Variants in DPYD observed in about 807,000 individuals in gnomAD.
The protein encoded by DPYD is dihydropyrimidine dehydrogenase, also known as dihydropyrimidine dehydrogenase [NADP(+)].
DPYD carries 109 observed loss-of-function variants against 116.2 expected under a neutral mutation model. The ratio of observed to expected loss-of-function variants is 0.94; its 90% CI spans 0.80 to 1.10. The LOEUF (loss-of-function observed/expected upper bound fraction) is 1.10, where lower values mean the gene tolerates loss of function less well. DPYD is among the 50% of genes least tolerant of loss of function. The pLI, the probability that DPYD is intolerant of heterozygous loss-of-function variation, is 0.00. For synonymous variants in DPYD, 440 were observed against 432.0 expected (o/e 1.02, Z -0.23); for missense variants, 1,302 against 1,254.5 (o/e 1.04, Z -0.57).
chr1:97,487,003 G>T (rs1047522549), intron 13 of DPYD, among the ~76,000 whole-genome samples: 1 of 151,900 alleles, frequency 6.6e-6, no homozygotes, highest in East Asian at 1.9e-4. Flanking sequence ...ATGTTTTGGA[G>T]ATTAGTCATC....
intron 19 of DPYD, among the ~76,000 whole-genome samples, chr1:97,216,182 A>T (rs922052584): frequency 3.3e-5 from 5 of 152,188 alleles, no homozygotes; most frequent in Admixed American, 6.5e-5. Context: ...GTAAAAATTC[A>T]TGTCTCTGTC....
At chr1:97,327,861 TTGCTTTTGATGCTACG>T (rs1668785808) in intron 16 of DPYD, among the ~76,000 whole-genome samples, 1 of 152,142 alleles carries the variant, frequency 6.6e-6, no homozygotes, top group African/African-American at 2.4e-5. Flanking sequence ...ATACATTGCC[TTGCTTTTGATGCTACG>T]TGCTGTGTTC....
intron 10 of DPYD, among the ~76,000 whole-genome samples, chr1:97,578,586 C>T (rs140269271): frequency 2.1e-4 from 32 of 152,222 alleles, no homozygotes; most frequent in Middle Eastern, 3.4e-3. Context: ...CTGGCTGAAA[C>T]GAAATCCTAT....
At chr1:97,434,192 A>G (rs1675333702) in intron 14 of DPYD, among the ~76,000 whole-genome samples, 1 of 152,158 alleles carries the variant, frequency 6.6e-6, no homozygotes, top group Admixed American at 6.6e-5. Context: ...TAAATTTTGC[A>G]TGACTAAAAT....
rs140270989 is a variant in DPYD at position 97,532,653 on chromosome 1, A to G, written c.1525-16712T>C. 2.6e-3 allele frequency among the ~76,000 whole-genome samples: 402 copies of G among 152,000 alleles called. 4 individuals carry two copies. Among genetic ancestry groups the G allele is most frequent in the African/African-American group, 9.2e-3 (380 of 41,474 alleles). ...TTTATCCACTTCTTCTAGGTTGTCAAATTTGTTCATAATAGTCCCTTATGG... is the reference window on the plus strand; with the variant it reads ...TTTATCCACTTCTTCTAGGTTGTCAGATTTGTTCATAATAGTCCCTTATGG... On this transcript the variant is annotated intron_variant, in intron 12 of 22. Coordinates refer to ENST00000370192, the MANE Select transcript of DPYD (RefSeq NM_000110.4).
intron 14 of DPYD, among the ~76,000 whole-genome samples, chr1:97,442,706 T>A (rs1300595364): frequency 6.6e-6 from 1 of 152,022 alleles, no homozygotes; most frequent in Non-Finnish European, 1.5e-5. Context: ...ATTGAAGGAA[T>A]CACTGAAAAA....
chr1:97,557,528 C>T (rs1651835602), intron 11 of DPYD, among the ~76,000 whole-genome samples: 1 of 151,934 alleles, frequency 6.6e-6, no homozygotes, highest in Non-Finnish European at 1.5e-5. Context: ...GTTGGCCAGG[C>T]TGGTCTCAAA....
At position 97,226,144 on chromosome 1, in the gene DPYD, ATAATCT is replaced by A. The variant is rs143975219; in HGVS notation, c.2442+8702_2442+8707del. ...GAGAATGAATCACAAAAACCATACG[ATAATCT>A]TAATAGATGCAGAAAAATCATCCGA... On this transcript the variant is annotated intron_variant, in intron 19 of 22. Coordinates refer to ENST00000370192, the MANE Select transcript of DPYD (RefSeq NM_000110.4). Among the ~76,000 whole-genome samples the A allele has an allele frequency of 3.2e-3, 480 of 152,268 alleles. 3 individuals are homozygous for A. Among genetic ancestry groups the A allele is most frequent in the African/African-American group, 0.011 (462 of 41,568 alleles).
At chr1:97,192,351 T>C (rs1337731795) in intron 20 of DPYD, among the ~76,000 whole-genome samples, 2 of 152,106 alleles carry the variant, frequency 1.3e-5, no homozygotes, top group Non-Finnish European at 2.9e-5. Context: ...CTCTCTTTTT[T>C]TTAAAGTTAA....
intron 20 of DPYD, among the ~76,000 whole-genome samples, chr1:97,169,523 T>TTTTTA (rs11275458): frequency 0.12 from 16,786 of 142,982 alleles, 1,112 homozygotes; most frequent in East Asian, 0.25. Context: ...ATTGGGTTAA[T>TTTTTA]TTTTATTTTA....
chr1:97,589,592 C>T (rs1255777436), intron 10 of DPYD, among the ~76,000 whole-genome samples: 2 of 152,168 alleles, frequency 1.3e-5, no homozygotes, highest in Non-Finnish European at 2.9e-5. Flanking sequence ...CAGTTCTTCA[C>T]AGCAGTATGA....
chr1:97,437,004 T>C (rs547860985), intron 14 of DPYD, among the ~76,000 whole-genome samples: 26 of 151,960 alleles, frequency 1.7e-4, no homozygotes, highest in African/African-American at 5.3e-4. Context: ...CTTCTATATA[T>C]GTTATATAAA....
At chr1:97,796,420 C>T (rs1226382774) in intron 3 of DPYD, among the ~76,000 whole-genome samples, 2 of 152,160 alleles carry the variant, frequency 1.3e-5, no homozygotes, top group East Asian at 1.9e-4. Flanking sequence ...ACATTGATCA[C>T]AAATTGAATG....
chr1:97,432,893 C>T (rs557630625), intron 14 of DPYD, among the ~76,000 whole-genome samples: 1 of 152,252 alleles, frequency 6.6e-6, no homozygotes, highest in East Asian at 1.9e-4. Context: ...GGACTTGGGA[C>T]TTGAGTCCCA....
chr1:97,624,039 G>A (rs767085099), intron 8 of DPYD, among the ~76,000 whole-genome samples: 4 of 151,984 alleles, frequency 2.6e-5, no homozygotes, highest in African/African-American at 9.7e-5. Flanking sequence ...GAAAGGATAG[G>A]AGAAAAGCTA....
chr1:97,647,742 T>C (rs1658352436), intron 8 of DPYD, among the ~76,000 whole-genome samples: 1 of 152,032 alleles, frequency 6.6e-6, no homozygotes, highest in South Asian at 2.1e-4. Flanking sequence ...AACAGATATA[T>C]AAAATTACTT....
chr1:97,744,946 G>A (rs946639182), intron 3 of DPYD, among the ~76,000 whole-genome samples: 3 of 152,002 alleles, frequency 2.0e-5, no homozygotes, highest in African/African-American at 7.2e-5. Context: ...AAGGAGACAA[G>A]AAAGATGGCT....
At chr1:97,442,492 C>A (rs527619275) in intron 14 of DPYD, among the ~76,000 whole-genome samples, 2 of 151,286 alleles carry the variant, frequency 1.3e-5, no homozygotes, top group South Asian at 2.1e-4. Flanking sequence ...TTTTTTGCTA[C>A]CCTTGTTTTG....
At chr1:97,460,677 A>C (rs1236400863) in intron 13 of DPYD, among the ~76,000 whole-genome samples, 1 of 152,128 alleles carries the variant, frequency 6.6e-6, no homozygotes, top group African/African-American at 2.4e-5. Flanking sequence ...TTCTTCCTGA[A>C]GAAATGTCAT....
Sources: gnomAD v4.1 joint callset for allele counts (sites outside exome capture counted in the v4.1 genomes callset) on GRCh38, gnomAD v4.1.1 for gene constraint, MANE v1.5 for transcripts, NCBI Gene and HGNC (gene_info 2026-07-23, HGNC 2026-07-21) for gene names.